Variants in SPAG16 observed in about 807,000 individuals in gnomAD.
SPAG16 encodes the protein sperm-associated antigen 16 protein.
In SPAG16, 86 loss-of-function variants were observed where a neutral mutation model predicts 80.4. The observed-to-expected ratio is 1.07, with a 90% CI of 0.90 to 1.28. The LOEUF is 1.28. Ranked by LOEUF, SPAG16 falls within the 50% of genes most tolerant of loss-of-function variation. The probability of loss-of-function intolerance (pLI) is 0.00; values close to 1 mark genes in which losing one functional copy is unlikely to be tolerated. For missense variants in SPAG16, 870 were observed against 765.3 expected (o/e 1.14, Z -1.61); for synonymous variants, 294 against 265.9 (o/e 1.11, Z -1.03).
At chr2:213,840,811 G>A (rs1489267653) in intron 10 of SPAG16, among the ~76,000 whole-genome samples, 1 of 152,104 alleles carries the variant, frequency 6.6e-6, no homozygotes, top group African/African-American at 2.4e-5. Flanking sequence ...ACAAGGAAGT[G>A]GAAAATTATA....
intron 5 of SPAG16, among the ~76,000 whole-genome samples, chr2:213,322,412 A>G (rs2126152697): frequency 6.6e-6 from 1 of 151,296 alleles, no homozygotes; most frequent in African/African-American, 2.4e-5. Context: ...TTGAACTTTA[A>G]CATCTTGCAG....
chr2:214,267,759 T>C (rs1164654798), intron 15 of SPAG16, among the ~76,000 whole-genome samples: 2 of 151,860 alleles, frequency 1.3e-5, no homozygotes, highest in South Asian at 2.1e-4. Flanking sequence ...ATGCAATATC[T>C]ATCAAAATTC....
chr2:213,914,063 G>A (rs2077831422), intron 11 of SPAG16, among the ~76,000 whole-genome samples: 2 of 152,062 alleles, frequency 1.3e-5, no homozygotes, highest in South Asian at 4.1e-4. Flanking sequence ...CATTGTGGTA[G>A]CATAGCTTAG....
At chr2:213,433,386 A>G (rs1355284327) in intron 9 of SPAG16, among the ~76,000 whole-genome samples, 1 of 152,238 alleles carries the variant, frequency 6.6e-6, no homozygotes. Flanking sequence ...TAGAATTGAT[A>G]AATGTATTTA....
chr2:214,044,001 G>A (rs769878388), intron 13 of SPAG16, among the ~76,000 whole-genome samples: 32 of 151,734 alleles, frequency 2.1e-4, no homozygotes, highest in Non-Finnish European at 3.7e-4. Context: ...ATTCTTCCCT[G>A]TTCTTTAGTC....
At chr2:213,454,772 C>CT (rs2125588817) in intron 9 of SPAG16, among the ~76,000 whole-genome samples, 1 of 152,270 alleles carries the variant, frequency 6.6e-6, no homozygotes, top group African/African-American at 2.4e-5. Flanking sequence ...CTGAGCTCTT[C>CT]TTTTACAGTC....
intron 15 of SPAG16, among the ~76,000 whole-genome samples, chr2:214,222,205 C>T (rs940383701): frequency 2.0e-5 from 3 of 151,142 alleles, no homozygotes; most frequent in African/African-American, 7.3e-5. Context: ...CAACCCCCGC[C>T]TCCTGGGTTC....
chr2:214,270,585 C>T (rs1419098495), intron 15 of SPAG16, among the ~76,000 whole-genome samples: 1 of 152,112 alleles, frequency 6.6e-6, no homozygotes, highest in East Asian at 1.9e-4. Context: ...TTCAGTCAAC[C>T]TATGGCTTCT....
chr2:213,792,254 G>A (rs912568185), intron 10 of SPAG16, among the ~76,000 whole-genome samples: 5 of 152,230 alleles, frequency 3.3e-5, no homozygotes, highest in Middle Eastern at 3.4e-3. Flanking sequence ...GAAGCAAATC[G>A]CACTCACTGT....
chr2:213,957,933 GGGA>G (rs1349187410), intron 12 of SPAG16, among the ~76,000 whole-genome samples: 2 of 152,174 alleles, frequency 1.3e-5, no homozygotes, highest in African/African-American at 4.8e-5. Context: ...AGCCCCGACT[GGGA>G]GGAGTATTAG....
chr2:214,005,128 T>C (rs1189638867), intron 12 of SPAG16, among the ~76,000 whole-genome samples: 2 of 152,130 alleles, frequency 1.3e-5, no homozygotes, highest in Admixed American at 1.3e-4. Context: ...TCTTTTTGTT[T>C]TATATTTTCG....
rs377412459 is a variant in SPAG16 at position 214,315,346 on chromosome 2, C to CTTA, written c.1721-94792_1721-94790dup. On this transcript the variant is annotated intron_variant, in intron 15 of 15. Coordinates refer to ENST00000331683, the MANE Select transcript of SPAG16 (RefSeq NM_024532.5). ...AAATATGTTTGCTACTGCTGGTTCC[C>CTTA]TTATAATCTCCATTTATAATATTTA... 1.8e-3 allele frequency among the ~76,000 whole-genome samples: 273 copies of CTTA among 152,112 alleles called. 2 individuals carry two copies. Among genetic ancestry groups the CTTA allele is most frequent in the African/African-American group, 6.4e-3 (265 of 41,498 alleles).
intron 10 of SPAG16, among the ~76,000 whole-genome samples, chr2:213,657,204 G>A (rs1417250429): frequency 2.0e-5 from 3 of 152,130 alleles, no homozygotes; most frequent in Non-Finnish European, 4.4e-5. Flanking sequence ...AATGGATTAT[G>A]TAAAGTGATA....
At chr2:213,574,921 C>T (rs924206652) in intron 10 of SPAG16, among the ~76,000 whole-genome samples, 2 of 151,974 alleles carry the variant, frequency 1.3e-5, no homozygotes, top group Non-Finnish European at 2.9e-5. Flanking sequence ...CTGCAGTTTG[C>T]CTTCCCATTT....
In SPAG16 at chr2:214,326,814, G is replaced by A. The variant is rs11885375; in HGVS notation, c.1721-83326G>A. On this transcript the variant is annotated intron_variant, in intron 15 of 15. Transcript: ENST00000331683. ...CAAAAAATTACCCGGGCGTGGTGGCGGGCGCCTGTGGTCCCAGCTACTTGG... is the reference window on the plus strand; with the variant it reads ...CAAAAAATTACCCGGGCGTGGTGGCAGGCGCCTGTGGTCCCAGCTACTTGG... Among the ~76,000 whole-genome samples, 1,118 of 151,760 alleles carry A rather than the reference G, an allele frequency of 7.4e-3. 12 individuals are homozygous for A. The highest frequency in any genetic ancestry group is 0.025 in the African/African-American group (1,039 of 41,398).
At chr2:214,185,977 G>A (rs548118504) in intron 15 of SPAG16, among the ~76,000 whole-genome samples, 1 of 152,026 alleles carries the variant, frequency 6.6e-6, no homozygotes, top group African/African-American at 2.4e-5. Flanking sequence ...TTCTGTTAGG[G>A]CAGAGTCCTT....
intron 13 of SPAG16, among the ~76,000 whole-genome samples, chr2:214,023,597 G>A (rs1296914051): frequency 6.6e-6 from 1 of 151,658 alleles, no homozygotes; most frequent in Non-Finnish European, 1.5e-5. Context: ...CCAATTGTTT[G>A]AAAATTAAAA....
intron 1 of SPAG16, among the ~76,000 whole-genome samples, chr2:213,292,386 C>T (rs1160572793): frequency 2.6e-5 from 4 of 151,994 alleles, no homozygotes; most frequent in Non-Finnish European, 2.9e-5. Flanking sequence ...TATCAGAGGC[C>T]GGGTGCGGTG....
intron 9 of SPAG16, among the ~76,000 whole-genome samples, chr2:213,424,879 A>T (rs1236854215): frequency 6.6e-6 from 1 of 152,194 alleles, no homozygotes; most frequent in Non-Finnish European, 1.5e-5. Context: ...CCACTGAGTT[A>T]TATTCATTTC....
Sources: allele counts gnomAD v4.1 joint callset (sites outside exome capture counted in the v4.1 genomes callset), GRCh38; gene constraint gnomAD v4.1.1; transcripts MANE v1.5; gene names NCBI Gene and HGNC (gene_info 2026-07-23, HGNC 2026-07-21).